The following DDC variants were observed in gnomAD, a reference collection of about 807,000 sequenced individuals.
DDC encodes aromatic-L-amino-acid decarboxylase.
A neutral mutation model predicts 60.0 loss-of-function variants in DDC; 43 were observed. That is an observed-to-expected ratio of 0.72 (90% confidence interval 0.56 to 0.92). The LOEUF (loss-of-function observed/expected upper bound fraction) is 0.92. Among genes scored for constraint, DDC ranks in the 40% least tolerant of loss-of-function variants. The probability of loss-of-function intolerance (pLI) is 0.00; values close to 1 mark genes in which losing one functional copy is unlikely to be tolerated. For missense variants in DDC, 573 were observed against 620.2 expected, an observed-to-expected ratio of 0.92 and a Z score of 0.81; for synonymous variants, 232 against 234.6, an observed-to-expected ratio of 0.99 and a Z score of 0.10.
At chr7:50,559,782 C>G (rs2045297610) in intron 1 of DDC, among the ~76,000 whole-genome samples, 1 of 152,146 alleles carries the variant, frequency 6.6e-6, no homozygotes, top group Non-Finnish European at 1.5e-5. Context: ...GAGCCGTTCC[C>G]TAAACTTAAC....
chr7:50,555,089 C>G (rs1404546975), intron 1 of DDC, among the ~76,000 whole-genome samples: 1 of 152,154 alleles, frequency 6.6e-6, no homozygotes, highest in Admixed American at 6.5e-5. Flanking sequence ...GAACCAGGAT[C>G]CAGGCTGTCC....
chr7:50,493,228 G>A (rs894613611), intron 9 of DDC, among the ~76,000 whole-genome samples: 1 of 152,142 alleles, frequency 6.6e-6, no homozygotes, highest in South Asian at 2.1e-4. Flanking sequence ...GTACCTATCC[G>A]CAGTCACTAA....
At chr7:50,490,769 A>G (rs1480105297) in intron 9 of DDC, among the ~76,000 whole-genome samples, 1 of 152,250 alleles carries the variant, frequency 6.6e-6, no homozygotes, top group East Asian at 1.9e-4. Flanking sequence ...TTTAAAAACA[A>G]CAACAACAAA....
chr7:50,550,140 T>C (rs1327066758), intron 1 of DDC, among the ~76,000 whole-genome samples: 7 of 152,178 alleles, frequency 4.6e-5, no homozygotes, highest in Admixed American at 3.9e-4. Flanking sequence ...GCAAACTTCA[T>C]TGTTACTTTG....
At chr7:50,474,804 T>A (rs1041383096) in intron 11 of DDC, among the ~76,000 whole-genome samples, 2 of 152,214 alleles carry the variant, frequency 1.3e-5, no homozygotes, top group Non-Finnish European at 2.9e-5. Context: ...TGTGCCTTTT[T>A]TTCTAATGAT....
chr7:50,463,195 G>A lies in DDC; in HGVS notation c.*18+18C>T, dbSNP rs1478091389. ...CGGGACAAGGAGACAGGCAGAAAAT[G>A]AGCCCAGGGCAGCCTACCTGCAGCT... On this transcript the variant is annotated intron_variant, in intron 14 of 14. Coordinates refer to ENST00000444124, the MANE Select transcript of DDC (RefSeq NM_001082971.2). 11 of 1,570,994 alleles carry A rather than the reference G, an allele frequency of 7.0e-6. No individual in the cohort carries two copies. Among genetic ancestry groups the A allele is most frequent in the Non-Finnish European group, 9.5e-6 (11 of 1,157,130 alleles).
At chr7:50,515,615 A>G (rs889034347) in intron 6 of DDC, among the ~76,000 whole-genome samples, 6 of 152,192 alleles carry the variant, frequency 3.9e-5, no homozygotes, top group African/African-American at 9.6e-5. Flanking sequence ...AATGACCTAA[A>G]TGCTCCACCT....
rs536685844 is a variant in DDC at position 50,463,553 on chromosome 7, TC to T, written c.1243-123del. The T allele has an allele frequency of 8.9e-4, 734 of 829,158 alleles. 1 individual carries two copies. The highest frequency in any genetic ancestry group is 1.4e-3 in the Non-Finnish European group (664 of 483,984). 51.4% of individuals were successfully genotyped at this position (829,158 alleles called of 1,614,324 possible). On this transcript the variant is annotated intron_variant, in intron 13 of 14. Coordinates refer to ENST00000444124, the MANE Select transcript of DDC (RefSeq NM_001082971.2). ...ACATCAGGAAGAAGCCGACTAACCA[TC>T]CCCCTTGCGTTTACGATGTTACAAA...
Position 50,537,799 on chromosome 7 carries a change from G to A in DDC, c.435+61C>T, listed in dbSNP as rs11575319. Reference sequence around the variant, plus strand: ...CATGAGTGCCTCTTTCCCCACCTGCGGCTACAGTCCTGTGCAGAGCCCATG... The same window carrying A: ...CATGAGTGCCTCTTTCCCCACCTGCAGCTACAGTCCTGTGCAGAGCCCATG... On this transcript the variant is annotated intron_variant, in intron 4 of 14. Coordinates refer to ENST00000444124, the MANE Select transcript of DDC (RefSeq NM_001082971.2). The A allele has an allele frequency of 1.9e-3, 3,040 of 1,608,648 alleles. 47 individuals carry two copies. The African/African-American group carries it at 0.035, about 18-fold the overall frequency.
chr7:50,464,741 T>A (rs1475408391), intron 13 of DDC, among the ~76,000 whole-genome samples: 1 of 152,058 alleles, frequency 6.6e-6, no homozygotes, highest in Non-Finnish European at 1.5e-5. Context: ...CTGGCCATAA[T>A]GAGGATGGAG....
intron 6 of DDC, among the ~76,000 whole-genome samples, chr7:50,516,137 A>G (rs1314614051): frequency 1.3e-5 from 2 of 152,212 alleles, no homozygotes; most frequent in East Asian, 1.9e-4. Flanking sequence ...TCCGTTCAAC[A>G]GCGCATGGAA....
Position 50,510,687 on chromosome 7 carries a change from AT to A in DDC, c.715-6629del, listed in dbSNP as rs1378934548. On this transcript the variant is annotated intron_variant, in intron 6 of 14. Coordinates refer to ENST00000444124, the MANE Select transcript of DDC (RefSeq NM_001082971.2). ...CCATCTCAAAAAAAAAAAAAAAAAA[AT>A]GTAAGTAAGATGGCAGGGCACGGTG... 2.6e-3 allele frequency among the ~76,000 whole-genome samples: 345 copies of A among 132,238 alleles called. 2 individuals are homozygous for A. Among genetic ancestry groups the A allele is most frequent in the African/African-American group, 7.8e-3 (275 of 35,394 alleles). 86.8% of individuals were successfully genotyped at this position (132,238 alleles called of 152,430 possible).
rs537648001 is a variant in DDC, at chr7:50,542,191, T to C, written c.201+1694A>G. 2.0e-5 allele frequency: 3 copies of C among 152,336 alleles called. No individual in the cohort carries two copies. In the South Asian group the frequency reaches 6.2e-4, roughly 32 times the overall value. The allele number at this position is 152,336 out of a possible 1,614,324, so 9.4% of individuals were successfully genotyped here. A position where few individuals can be genotyped will look rare whatever the true frequency, so the allele number is the denominator to read the frequency against. ...GTTAAAGAAAAAAAATCGATGTTAA[T>C]ATATTCATCTTTATGCCAATGCATT... On this transcript the variant is annotated intron_variant, in intron 2 of 14. Coordinates refer to ENST00000444124, the MANE Select transcript of DDC (RefSeq NM_001082971.2).
chr7:50,534,455 G>T (rs118075313), intron 4 of DDC, among the ~76,000 whole-genome samples: 13,551 of 152,212 alleles, frequency 0.089, 961 homozygotes, highest in South Asian at 0.14. Context: ...AAATTATCCA[G>T]GCATGGTGAT....
intron 1 of DDC, among the ~76,000 whole-genome samples, chr7:50,547,907 A>T (rs912061823): frequency 6.6e-6 from 1 of 152,222 alleles, no homozygotes; most frequent in African/African-American, 2.4e-5. Context: ...GACAACCCTG[A>T]ATCCAGCAAG....
At chr7:50,550,039 C>A (rs979041186) in intron 1 of DDC, among the ~76,000 whole-genome samples, 1 of 152,200 alleles carries the variant, frequency 6.6e-6, no homozygotes, top group African/African-American at 2.4e-5. Context: ...GACTCCAATT[C>A]TGAAAGAAGT....
In DDC at chr7:50,469,804, C is replaced by T. The variant is rs142761722; in HGVS notation, c.1140+269G>A. On this transcript the variant is annotated intron_variant, in intron 12 of 14. Transcript: ENST00000444124. ...GATCAGCCTGACCAACATGGTGAAA[C>T]CCAATCTCTACTTAAAATACAAAAA... Among the ~76,000 whole-genome samples, 69 of 152,088 alleles carry T rather than the reference C, an allele frequency of 4.5e-4. 1 individual carries two copies. The East Asian group carries it at 0.013, about 28-fold the overall frequency.
chr7:50,475,991 C>T (rs950431859), intron 11 of DDC, among the ~76,000 whole-genome samples: 4 of 152,166 alleles, frequency 2.6e-5, no homozygotes, highest in Non-Finnish European at 5.9e-5. Context: ...CACCTGGCCA[C>T]AGGTCATCTC....
chr7:50,502,976 G>C (rs1051925564), intron 7 of DDC, among the ~76,000 whole-genome samples: 1 of 152,172 alleles, frequency 6.6e-6, no homozygotes. Context: ...AAAGGCACCT[G>C]CACCTTCAGC....
Sources: allele counts gnomAD v4.1 joint callset (sites outside exome capture counted in the v4.1 genomes callset), GRCh38; gene constraint gnomAD v4.1.1; transcripts MANE v1.5; gene names NCBI Gene and HGNC (gene_info 2026-07-23, HGNC 2026-07-21).